Variants in PDE9A observed in about 807,000 individuals in gnomAD.
The protein encoded by PDE9A is high affinity cGMP-specific 3',5'-cyclic phosphodiesterase 9A.
PDE9A carries 60 observed loss-of-function variants against 87.4 expected under a neutral mutation model. The observed-to-expected ratio is 0.69, with a 90% CI of 0.56 to 0.85. PDE9A has a LOEUF of 0.85. Among genes scored for constraint, PDE9A ranks in the 40% least tolerant of loss-of-function variants. The pLI is 0.00. For synonymous variants in PDE9A, 272 were observed against 279.4 expected (o/e 0.97, Z 0.27); for missense variants, 665 against 779.0 (o/e 0.85, Z 1.74).
intron 4 of PDE9A, among the ~76,000 whole-genome samples, chr21:42,726,624 A>ATATTTTTTTTTTTTTTTT: frequency 5.1e-5 from 1 of 19,780 alleles, no homozygotes; most frequent in African/African-American, 3.4e-4. Context: ...ATATATATAT[A>ATATTTTTTTTTTTTTTTT]TTTTTTTTTT....
In PDE9A at chr21:42,743,969, C is replaced by T. The variant is rs1010394716; in HGVS notation, c.653+109C>T. On this transcript the variant is annotated intron_variant, in intron 8 of 19. Transcript: ENST00000291539. ...GCCTAAAAGAAAGGCTGGTGCAGTT[C>T]GGTACAGTTCAGGCTTGGGAGAGTG... 10 of 703,386 alleles carry T rather than the reference C, an allele frequency of 1.4e-5. No homozygotes were observed. The African/African-American group carries it at 1.6e-4, about 11-fold the overall frequency. 43.6% of individuals were successfully genotyped at this position (703,386 alleles called of 1,614,324 possible). A position where few individuals can be genotyped will look rare whatever the true frequency, so the allele number is the denominator to read the frequency against.
rs2060118404 is a variant in PDE9A at position 42,695,959 on chromosome 21, T to G, written c.219-3009T>G. Among the ~76,000 whole-genome samples the G allele has an allele frequency of 6.6e-6, 1 of 152,208 alleles. No individual in the cohort carries two copies. The highest frequency in any genetic ancestry group is 6.5e-5 in the Admixed American group (1 of 15,292). On this transcript the variant is annotated intron_variant, in intron 3 of 19. Coordinates refer to ENST00000291539, the MANE Select transcript of PDE9A (RefSeq NM_002606.3). The surrounding 1 kb of genome is among the most constrained non-coding windows in gnomAD (Gnocchi z 4.3). Reference sequence around the variant, plus strand: ...GCCCAGAAATGCAACCCAAGGATCTTGGGCCCAAGGGCCAGGAAGGTTTCT... The same window carrying G: ...GCCCAGAAATGCAACCCAAGGATCTGGGGCCCAAGGGCCAGGAAGGTTTCT...
chr21:42,724,625 T>G (rs889233082), intron 4 of PDE9A: 168 of 982,734 alleles, frequency 1.7e-4, no homozygotes, highest in Middle Eastern at 5.2e-4. Context: ...GTCACATATA[T>G]TCCATCGGTG....
At position 42,699,027 on chromosome 21, in the gene PDE9A, C is replaced by T. The variant is rs551618559; in HGVS notation, c.262+16C>T. ...CAACTCTCCGGTAAGGCCCTGCTGT[C>T]GTTTTTTAAACTAAAAGAAGGAAAA... is the stretch of plus-strand genomic sequence containing the variant. On this transcript the variant is annotated intron_variant, in intron 4 of 19. Transcript: ENST00000291539. 5.5e-5 allele frequency: 88 copies of T among 1,587,172 alleles called. No homozygotes were observed. Among genetic ancestry groups the T allele is most frequent in the South Asian group, 1.8e-4 (16 of 90,380 alleles).
At chr21:42,655,367 C>T (rs559038890) in intron 1 of PDE9A, among the ~76,000 whole-genome samples, 2 of 152,318 alleles carry the variant, frequency 1.3e-5, no homozygotes, top group East Asian at 3.9e-4. Context: ...GGGAGCAGCT[C>T]TCTTGGAAGC....
intron 3 of PDE9A, chr21:42,697,320 C>G (rs2060195575): frequency 1.3e-6 from 1 of 753,018 alleles, no homozygotes; most frequent in Non-Finnish European, 2.4e-6. Context: ...TCCACGTTAC[C>G]TGTAACCATC....
At chr21:42,682,785 G>A (rs920344847) in intron 1 of PDE9A, among the ~76,000 whole-genome samples, 21 of 152,184 alleles carry the variant, frequency 1.4e-4, no homozygotes, top group African/African-American at 3.4e-4. Context: ...CCTCAAGAGC[G>A]GTCACAGCCC....
intron 16 of PDE9A, 42 bp from the exon 17 acceptor site, chr21:42,768,985 C>T (rs371998135): frequency 1.1e-5 from 17 of 1,578,946 alleles, no homozygotes; most frequent in Non-Finnish European, 1.5e-5. Context: ...GGTTATGGGG[C>T]ATTTCTGTCT....
At chr21:42,765,610 G>C in intron 15 of PDE9A, 116 bp downstream of exon 15, 1 of 718,440 alleles carries the variant, frequency 1.4e-6, no homozygotes, top group Non-Finnish European at 2.6e-6. Flanking sequence ...CTTGGAACAA[G>C]GTGTCTATAA....
intron 18 of PDE9A, among the ~76,000 whole-genome samples, chr21:42,771,383 G>A (rs571994527): frequency 2.0e-5 from 3 of 152,334 alleles, no homozygotes; most frequent in East Asian, 3.9e-4. Context: ...GTCTTTCTAC[G>A]GATTCCCCAC....
chr21:42,760,795 CA>C lies in PDE9A; in HGVS notation c.1003-27del. On this transcript the variant is annotated intron_variant, in intron 12 of 19. Coordinates refer to ENST00000291539, the MANE Select transcript of PDE9A (RefSeq NM_002606.3). The surrounding 1 kb of genome is among the most constrained non-coding windows in gnomAD (Gnocchi z 5.2). Reference sequence around the variant, plus strand: ...CATCCCACCCTCCGAGTGAAGAGAGCAAACACCTACGCCCTGTTTTCCAATC... The same window carrying C: ...CATCCCACCCTCCGAGTGAAGAGAGCAACACCTACGCCCTGTTTTCCAATC... 1 of 1,337,020 alleles carries C rather than the reference CA, an allele frequency of 7.5e-7. No individual in the cohort carries two copies. Among genetic ancestry groups the C allele is most frequent in the Non-Finnish European group, 1.1e-6 (1 of 928,098 alleles). The allele number at this position is 1,337,020 out of a possible 1,614,324, so 82.8% of individuals were successfully genotyped here. A position where few individuals can be genotyped will look rare whatever the true frequency, so the allele number is the denominator to read the frequency against.
At chr21:42,746,290 C>T (rs992848935) in intron 8 of PDE9A, among the ~76,000 whole-genome samples, 8 of 152,158 alleles carry the variant, frequency 5.3e-5, no homozygotes, top group Non-Finnish European at 8.8e-5. Flanking sequence ...CCTGGGGCTG[C>T]GTAACGAATT....
intron 4 of PDE9A, among the ~76,000 whole-genome samples, chr21:42,714,111 C>T (rs560841600): frequency 2.0e-5 from 3 of 150,356 alleles, no homozygotes; most frequent in South Asian, 2.1e-4. Context: ...CTCCACCTCC[C>T]GGGTTCACGC....
intron 1 of PDE9A, among the ~76,000 whole-genome samples, chr21:42,661,326 G>GA (rs1225666723): frequency 4.2e-4 from 60 of 144,450 alleles, no homozygotes; most frequent in African/African-American, 1.7e-3. Flanking sequence ...ACCACGCCCA[G>GA]CCTTTTTTTT....
chr21:42,760,243 C>A lies in PDE9A; in HGVS notation c.898-85C>A. 1.3e-6 allele frequency: 1 copy of A among 778,304 alleles called. No individual in the cohort carries two copies. The highest frequency in any genetic ancestry group is 1.4e-5 in the South Asian group (1 of 70,572). 48.2% of individuals were successfully genotyped at this position (778,304 alleles called of 1,614,324 possible). ...GAGGGTTTGGCAGAGAATGTTCAAA[C>A]CAGCGCACAGCCTTCTGGGTGGCTT... On this transcript the variant is annotated intron_variant, in intron 11 of 19. Transcript: ENST00000291539. The surrounding 1 kb of genome is among the most constrained non-coding windows in gnomAD (Gnocchi z 5.2).
At chr21:42,654,326 G>A (rs1303406519) in intron 1 of PDE9A, among the ~76,000 whole-genome samples, 7 of 152,100 alleles carry the variant, frequency 4.6e-5, no homozygotes, top group Admixed American at 3.9e-4. Flanking sequence ...GAGTAGCTCC[G>A]ACTGCAGAGG....
chr21:42,754,043 C>A lies in PDE9A; in HGVS notation c.789C>A (p.Val263=). 6.2e-7 allele frequency: 1 copy of A among 1,613,128 alleles called. No individual in the cohort carries two copies. The highest frequency in any genetic ancestry group is 8.5e-7 in the Non-Finnish European group (1 of 1,179,288). Residue 263 remains valine, a synonymous_variant, in exon 10 of 20, where the codon GTC becomes GTA. Transcript: ENST00000291539. The part of the protein sequence containing the change: ...IEALRKPTFD[V]WLWEPNEMLS... Reference sequence around the variant, plus strand: ...CCCTGCGGAAGCCGACCTTTGACGTCTGGCTTTGGGAGCCCAATGAGGTAA... The same window carrying A: ...CCCTGCGGAAGCCGACCTTTGACGTATGGCTTTGGGAGCCCAATGAGGTAA...
At position 42,705,691 on chromosome 21, in the gene PDE9A, T is replaced by A. The variant is rs1034203111; in HGVS notation, c.262+6680T>A. Among the ~76,000 whole-genome samples the A allele has an allele frequency of 1.6e-4, 24 of 152,164 alleles. No homozygotes were observed. The highest frequency in any genetic ancestry group is 5.6e-4 in the African/African-American group (23 of 41,438). On this transcript the variant is annotated intron_variant, in intron 4 of 19. Coordinates refer to ENST00000291539, the MANE Select transcript of PDE9A (RefSeq NM_002606.3). The surrounding 1 kb of genome is among the most constrained non-coding windows in gnomAD (Gnocchi z 4.3). ...AGGAGAGCCAGGGGCCATCACGATT[T>A]TCTTAGGCACAGCAGCAGTTGAACC...
intron 16 of PDE9A, chr21:42,768,792 C>T (rs2056633886): frequency 1.0e-6 from 1 of 985,304 alleles, no homozygotes; most frequent in Admixed American, 6.1e-5. Context: ...GGGATACATC[C>T]ATCCAACTCA....
Sources: gnomAD v4.1 joint callset for allele counts (sites outside exome capture counted in the v4.1 genomes callset) on GRCh38, gnomAD v4.1.1 for gene constraint, Gnocchi (gnomAD v3.1) non-coding constraint, MANE v1.5 for transcripts, NCBI Gene and HGNC (gene_info 2026-07-23, HGNC 2026-07-21) for gene names.